BMPR1B: variants seen among roughly 807,000 people sequenced by gnomAD.
BMPR1B encodes bone morphogenetic protein receptor type-1B.
A neutral mutation model predicts 59.1 loss-of-function variants in BMPR1B; 12 were observed. That is an observed-to-expected ratio of 0.20 (90% CI 0.13 to 0.33). The LOEUF is 0.33. Ranked by LOEUF, BMPR1B falls within the 10% of genes least tolerant of loss-of-function variation. The pLI, the probability that BMPR1B is intolerant of heterozygous loss-of-function variation, is 1.00. For synonymous variants in BMPR1B, 237 were observed against 207.3 expected (o/e 1.14, Z -1.23); for missense variants, 550 against 610.9 (o/e 0.90, Z 1.05).
chr4:94,863,254 A>C (rs1186899113), intron 1 of BMPR1B, among the ~76,000 whole-genome samples: 1 of 152,224 alleles, frequency 6.6e-6, no homozygotes, highest in Non-Finnish European at 1.5e-5. Flanking sequence ...GGGTGATGAA[A>C]TAAAACGTAC....
At chr4:95,100,662 G>T (rs1338515399) in intron 3 of BMPR1B, among the ~76,000 whole-genome samples, 1 of 151,982 alleles carries the variant, frequency 6.6e-6, no homozygotes, top group Non-Finnish European at 1.5e-5. Flanking sequence ...TCTCTTTCTA[G>T]AGCTAATATT....
chr4:94,997,191 G>C (rs1031402545), intron 3 of BMPR1B, among the ~76,000 whole-genome samples: 1 of 152,136 alleles, frequency 6.6e-6, no homozygotes, highest in Non-Finnish European at 1.5e-5. Context: ...ATTTAGAACT[G>C]TTAAGTTAGG....
intron 3 of BMPR1B, among the ~76,000 whole-genome samples, chr4:95,006,569 T>A (rs1462483106): frequency 7.2e-6 from 1 of 138,752 alleles, no homozygotes; most frequent in Non-Finnish European, 1.5e-5. Context: ...TGAGATGGAG[T>A]CTTGCCCTGT....
intron 10 of BMPR1B, among the ~76,000 whole-genome samples, chr4:95,144,455 A>G (rs899220224): frequency 6.7e-6 from 1 of 149,780 alleles, no homozygotes; most frequent in Non-Finnish European, 1.5e-5. Flanking sequence ...CTGAGATTAC[A>G]GGCATGAACC....
At chr4:95,142,578 C>G (rs973774211) in intron 10 of BMPR1B, among the ~76,000 whole-genome samples, 1 of 151,760 alleles carries the variant, frequency 6.6e-6, no homozygotes, top group Non-Finnish European at 1.5e-5. Flanking sequence ...TTCCTACTTC[C>G]TCTCTTTCCC....
At chr4:95,038,073 A>G (rs1560610328) in intron 3 of BMPR1B, among the ~76,000 whole-genome samples, 11 of 152,330 alleles carry the variant, frequency 7.2e-5, no homozygotes, top group African/African-American at 2.4e-4. Context: ...AGTAGTAAAT[A>G]GAGTACTAGG....
chr4:94,767,909 CATAAT>C (rs1404583901), intron 1 of BMPR1B, among the ~76,000 whole-genome samples: 2 of 151,856 alleles, frequency 1.3e-5, no homozygotes, highest in Non-Finnish European at 1.5e-5. Context: ...AATTCGATAA[CATAAT>C]AAAATTATTT....
At chr4:95,102,430 A>G (rs968332236) in intron 3 of BMPR1B, among the ~76,000 whole-genome samples, 3 of 152,246 alleles carry the variant, frequency 2.0e-5, no homozygotes, top group Non-Finnish European at 4.4e-5. Context: ...AGACATTTGC[A>G]TCATAAATGA....
chr4:95,100,224 C>G (rs916481953), intron 3 of BMPR1B, among the ~76,000 whole-genome samples: 1 of 152,092 alleles, frequency 6.6e-6, no homozygotes, highest in African/African-American at 2.4e-5. Context: ...GAAGGAATAT[C>G]TCCTCCAATA....
At chr4:94,767,398 A>G (rs1226860382) in intron 1 of BMPR1B, among the ~76,000 whole-genome samples, 1 of 152,186 alleles carries the variant, frequency 6.6e-6, no homozygotes, top group Non-Finnish European at 1.5e-5. Context: ...ACAGGACATA[A>G]TGTAAACAAA....
intron 1 of BMPR1B, among the ~76,000 whole-genome samples, chr4:94,834,381 C>T (rs1724718276): frequency 6.6e-6 from 1 of 152,082 alleles, no homozygotes; most frequent in Admixed American, 6.6e-5. Flanking sequence ...TTATACTGTC[C>T]CATTTTCTTC....
intron 1 of BMPR1B, among the ~76,000 whole-genome samples, chr4:94,781,837 C>T (rs1433469814): frequency 6.6e-6 from 1 of 152,044 alleles, no homozygotes; most frequent in Non-Finnish European, 1.5e-5. Flanking sequence ...TGCCTTTGAG[C>T]CTCCATTTTT....
intron 10 of BMPR1B, among the ~76,000 whole-genome samples, chr4:95,136,716 C>A (rs150938423): frequency 1.3e-5 from 2 of 151,960 alleles, no homozygotes; most frequent in African/African-American, 2.4e-5. Flanking sequence ...ATAGTATTCT[C>A]TGATGTTAGT....
At chr4:94,854,694 G>A (rs4437261) in intron 1 of BMPR1B, among the ~76,000 whole-genome samples, 92,453 of 151,940 alleles carry the variant, frequency 0.61, 29,008 homozygotes, top group African/African-American at 0.76. Flanking sequence ...AAAACTCTTC[G>A]TTTGGGACAG....
intron 2 of BMPR1B, among the ~76,000 whole-genome samples, chr4:94,981,003 A>ACGCGCGCGTACGCGCGCACG (rs141994255): frequency 2.2e-5 from 2 of 90,796 alleles, no homozygotes; most frequent in African/African-American, 7.0e-5. Context: ...ACACACACAC[A>ACGCGCGCGTACGCGCGCACG]CACACACACA....
chr4:95,120,325 A>G (rs538906099), intron 6 of BMPR1B, among the ~76,000 whole-genome samples: 142 of 152,208 alleles, frequency 9.3e-4, no homozygotes, highest in Non-Finnish European at 1.9e-3. Context: ...TGTGGCAATG[A>G]ACATACAAAT....
intron 2 of BMPR1B, among the ~76,000 whole-genome samples, chr4:94,903,647 G>A (rs114684442): frequency 5.3e-5 from 8 of 151,866 alleles, no homozygotes; most frequent in Non-Finnish European, 8.8e-5. Context: ...TAATTTATAC[G>A]TTGAAATTAA....
intron 3 of BMPR1B, among the ~76,000 whole-genome samples, chr4:94,999,444 G>GTA (rs1019008934): frequency 7.2e-5 from 11 of 151,826 alleles, no homozygotes; most frequent in African/African-American, 2.7e-4. Context: ...GTGTGTGTGT[G>GTA]TGTGTGTAAC....
chr4:94,892,120 G>A (rs895748647), intron 2 of BMPR1B, among the ~76,000 whole-genome samples: 9 of 152,028 alleles, frequency 5.9e-5, no homozygotes, highest in Non-Finnish European at 1.3e-4. Flanking sequence ...AGTTTAATAA[G>A]TTGAGGTTTG....
Sources: allele counts gnomAD v4.1 joint callset (sites outside exome capture counted in the v4.1 genomes callset), GRCh38; gene constraint gnomAD v4.1.1; transcripts MANE v1.5; gene names NCBI Gene and HGNC (gene_info 2026-07-23, HGNC 2026-07-21).